CAMSAP2: variants seen among roughly 807,000 people sequenced by gnomAD.
CAMSAP2 encodes calmodulin regulated spectrin associated protein family member 2, also known as calmodulin-regulated spectrin-associated protein 2.
A neutral mutation model predicts 146.1 loss-of-function variants in CAMSAP2; 26 were observed. That is an observed-to-expected ratio of 0.18 (90% CI 0.13 to 0.25). The LOEUF is 0.25. Among genes scored for constraint, CAMSAP2 ranks in the 10% least tolerant of loss-of-function variants. CAMSAP2 has a pLI of 1.00. For missense variants in CAMSAP2, 1,381 were observed against 1,759.3 expected (o/e 0.78, Z 3.85); for synonymous variants, 499 against 596.6 (o/e 0.84, Z 2.38).
At chr1:200,746,224 A>G (rs898570783) in intron 1 of CAMSAP2, among the ~76,000 whole-genome samples, 1 of 152,202 alleles carries the variant, frequency 6.6e-6, no homozygotes, top group Non-Finnish European at 1.5e-5. Context: ...GAGGGCCAAG[A>G]GTTATGAAGG....
In CAMSAP2 at chr1:200,739,272, C is replaced by T. The variant is rs540537988; in HGVS notation, c.-556C>T. On this transcript the variant is annotated 5_prime_UTR_variant, in exon 1 of 17. Transcript: ENST00000358823. This position sits in a 1 kb window ranked among gnomAD's most constrained non-coding sequence, Gnocchi z 4.8. The stretch of plus-strand genomic sequence containing the variant: ...CTGCGCTGGGTGGGCCAGCTCGCCC[C>T]GCGCTTCCCCCTCGTCCTGCTCGTC... 6.6e-6 allele frequency among the ~76,000 whole-genome samples: 1 copy of T among 152,250 alleles called. No homozygotes were observed. The highest frequency in any genetic ancestry group is 2.4e-5 in the African/African-American group (1 of 41,570).
intron 2 of CAMSAP2, among the ~76,000 whole-genome samples, chr1:200,767,863 T>C (rs1664999802): frequency 6.6e-6 from 1 of 152,256 alleles, no homozygotes; most frequent in Non-Finnish European, 1.5e-5. Context: ...ATACCTCTGT[T>C]ACAAATTCAC....
At chr1:200,813,946 C>T (rs1022089764) in intron 3 of CAMSAP2, among the ~76,000 whole-genome samples, 5 of 150,778 alleles carry the variant, frequency 3.3e-5, no homozygotes, top group African/African-American at 1.2e-4. Context: ...AAAAACAAAA[C>T]AAAAAACAAA....
chr1:200,835,653 T>G (rs1667167188), intron 6 of CAMSAP2, among the ~76,000 whole-genome samples: 1 of 152,170 alleles, frequency 6.6e-6, no homozygotes, highest in Non-Finnish European at 1.5e-5. Flanking sequence ...ATGTTGAAGG[T>G]TTACACCCTT....
At chr1:200,772,161 G>T (rs576214349) in intron 2 of CAMSAP2, among the ~76,000 whole-genome samples, 1 of 151,804 alleles carries the variant, frequency 6.6e-6, no homozygotes, top group Non-Finnish European at 1.5e-5. Context: ...TACCCACCTG[G>T]TTTACCTAGT....
At chr1:200,851,287 GC>G (rs1558210671) in intron 11 of CAMSAP2, among the ~76,000 whole-genome samples, 1 of 152,140 alleles carries the variant, frequency 6.6e-6, no homozygotes, top group East Asian at 1.9e-4. Flanking sequence ...CACAACCTCC[GC>G]CTCCTGGGTT....
chr1:200,849,612 TCTC>T lies in CAMSAP2; in HGVS notation c.2847_2849del (p.Ser950del), dbSNP rs1184027031. ...GGCCTGTCATCAGCCATTGCACCAT[TCTC>T]CTCAGACTCCCCTCGTCCTACTCAC... On this transcript the variant is annotated inframe_deletion, in exon 11 of 17. Transcript: ENST00000358823. This position sits in a 1 kb window ranked among gnomAD's most constrained non-coding sequence, Gnocchi z 6.3. 6.2e-7 allele frequency: 1 copy of T among 1,614,218 alleles called. No homozygotes were observed. Among genetic ancestry groups the T allele is most frequent in the Non-Finnish European group, 8.5e-7 (1 of 1,180,022 alleles).
chr1:200,816,643 C>T (rs1350080019), intron 4 of CAMSAP2, among the ~76,000 whole-genome samples: 1 of 142,034 alleles, frequency 7.0e-6, no homozygotes, highest in Non-Finnish European at 1.5e-5. Context: ...TATACACACA[C>T]ATATATATGC....
At position 200,848,986 on chromosome 1, in the gene CAMSAP2, A is replaced by G. The variant is rs1220887715; in HGVS notation, c.2217A>G (p.Gly739=). The change falls in exon 11 of 17, where the codon GGA becomes GGG. Residue 739 remains glycine (G), a synonymous_variant. Coordinates refer to ENST00000358823, the MANE Select transcript of CAMSAP2 (RefSeq NM_203459.4). The stretch of plus-strand genomic sequence containing the variant: ...CAGAAGAAACAGGGCTTCCACAGGG[A>G]CGGGACACTACCCAGCTGTTGGCCT... ...QIPEETGLPQ[G]RDTTQLLASE... is the part of the protein sequence containing the mutation. The G allele has an allele frequency of 1.2e-6, 2 of 1,614,130 alleles. No individual in the cohort carries two copies. The highest frequency in any genetic ancestry group is 1.7e-6 in the Non-Finnish European group (2 of 1,179,994).
rs1667519449 is a variant in CAMSAP2, at chr1:200,848,438, C to T, written c.1669C>T (p.His557Tyr). ...QIIHDTEKSP[H>Y]TPQPDQIANG... ...AATTCATGATACTGAAAAATCTCCTCATACACCTCAGCCAGACCAAATTGC... is the reference window on the plus strand; with the variant it reads ...AATTCATGATACTGAAAAATCTCCTTATACACCTCAGCCAGACCAAATTGC... The change falls in exon 11 of 17, where the codon CAT becomes TAT. Residue 557 changes from histidine to tyrosine, a missense_variant. By Grantham distance (83) the His-to-Tyr change is moderately conservative (BLOSUM62 2). Transcript: ENST00000358823. 1.9e-6 allele frequency: 3 copies of T among 1,613,642 alleles called. No homozygotes were observed. Among genetic ancestry groups the T allele is most frequent in the African/African-American group, 1.3e-5 (1 of 74,894 alleles).
At chr1:200,856,602 A>C (rs910166331) in intron 15 of CAMSAP2, among the ~76,000 whole-genome samples, 1 of 152,224 alleles carries the variant, frequency 6.6e-6, no homozygotes, top group African/African-American at 2.4e-5. Context: ...GCAATGAAGA[A>C]TAGAATGTGG....
chr1:200,746,859 C>T (rs191842951), intron 1 of CAMSAP2, among the ~76,000 whole-genome samples: 2 of 152,178 alleles, frequency 1.3e-5, no homozygotes, highest in African/African-American at 4.8e-5. Flanking sequence ...ACCTCGTGAT[C>T]TGCCCCCCTC....
chr1:200,840,730 G>A (rs1667304739), intron 6 of CAMSAP2, among the ~76,000 whole-genome samples: 1 of 152,116 alleles, frequency 6.6e-6, no homozygotes, highest in African/African-American at 2.4e-5. Context: ...TAGGAAGAAG[G>A]CAAGACATTA....
Position 200,815,650 on chromosome 1 carries a change from T to G in CAMSAP2, c.645+6T>G. ...AAGCTCCAGGAGGTCAAAAGGTATTTATTTCAAAAACAAAAAGGTGCCTTT... is the reference window on the plus strand; with the variant it reads ...AAGCTCCAGGAGGTCAAAAGGTATTGATTTCAAAAACAAAAAGGTGCCTTT... On this transcript the variant is annotated splice_donor_region_variant and intron_variant, in intron 4 of 16. Coordinates refer to ENST00000358823, the MANE Select transcript of CAMSAP2 (RefSeq NM_203459.4). The G allele has an allele frequency of 6.5e-7, 1 of 1,526,856 alleles. No individual in the cohort carries two copies. The highest frequency in any genetic ancestry group is 8.8e-7 in the Non-Finnish European group (1 of 1,134,626). The allele number at this position is 1,526,856 out of a possible 1,614,324, so 94.6% of individuals were successfully genotyped here. A position where few individuals can be genotyped will look rare whatever the true frequency, so the allele number is the denominator to read the frequency against.
rs551532447 is a variant in CAMSAP2 at position 200,818,323 on chromosome 1, T to C, written c.645+2679T>C. Reference sequence around the variant, plus strand: ...TCTTGAAGAAAAACTGTATGGAATCTAGACATTGTTGTATTACATGGCTTT... The same window carrying C: ...TCTTGAAGAAAAACTGTATGGAATCCAGACATTGTTGTATTACATGGCTTT... On this transcript the variant is annotated intron_variant, in intron 4 of 16. Transcript: ENST00000358823. Among the ~76,000 whole-genome samples, 4 of 152,336 alleles carry C rather than the reference T, an allele frequency of 2.6e-5. No individual in the cohort carries two copies. In the South Asian group the frequency reaches 8.3e-4, roughly 32 times the overall value.
At position 200,760,934 on chromosome 1, in the gene CAMSAP2, G is replaced by C. The variant is rs774132630; in HGVS notation, c.235G>C (p.Glu79Gln). 2.0e-5 allele frequency: 33 copies of C among 1,614,018 alleles called. No homozygotes were observed. Among genetic ancestry groups the C allele is most frequent in the Admixed American group, 1.8e-4 (11 of 59,984 alleles). The change falls in exon 2 of 17, where the codon GAA (glutamate) becomes CAA (glutamine). Residue 79 changes from glutamate (E) to glutamine (Q), a missense_variant. Physicochemically the swap from Glu to Gln is conservative, Grantham distance 29. Transcript: ENST00000358823. ...PPVVNLLLSA[E>Q]LYCRAGSLIL... Reference sequence around the variant, plus strand: ...TGTTGTTAATTTGCTTCTATCGGCTGAACTATACTGTCGTGCTGGGAGTCT... The same window carrying C: ...TGTTGTTAATTTGCTTCTATCGGCTCAACTATACTGTCGTGCTGGGAGTCT...
At chr1:200,754,574 CTTTTTTTTTTTTTT>C (rs35219206) in intron 1 of CAMSAP2, among the ~76,000 whole-genome samples, 3 of 86,570 alleles carry the variant, frequency 3.5e-5, no homozygotes, top group Admixed American at 1.3e-4. Context: ...GAAAGAGCTC[CTTTTTTTTTTTTTT>C]TTTTTTTTTT....
chr1:200,795,818 C>T (rs1379563569), intron 2 of CAMSAP2, among the ~76,000 whole-genome samples: 1 of 152,172 alleles, frequency 6.6e-6, no homozygotes, highest in Non-Finnish European at 1.5e-5. Context: ...CTCTCAACTA[C>T]TTCCTTGTCT....
intron 1 of CAMSAP2, among the ~76,000 whole-genome samples, chr1:200,742,593 A>C (rs1055267367): frequency 2.0e-5 from 3 of 152,202 alleles, no homozygotes; most frequent in African/African-American, 7.2e-5. Flanking sequence ...AGGTTAATAG[A>C]TAGCATATTT....
Sources: gnomAD v4.1 joint callset for allele counts (sites outside exome capture counted in the v4.1 genomes callset) on GRCh38, gnomAD v4.1.1 for gene constraint, Gnocchi (gnomAD v3.1) non-coding constraint, MANE v1.5 for transcripts, NCBI Gene and HGNC (gene_info 2026-07-23, HGNC 2026-07-21) for gene names.